Variants in CRYBG1 observed in about 807,000 individuals in gnomAD.
CRYBG1 encodes the protein beta/gamma crystallin domain-containing protein 1.
In CRYBG1, 139 loss-of-function variants were observed where a neutral mutation model predicts 189.2. The ratio of observed to expected loss-of-function variants is 0.73; its 90% CI spans 0.64 to 0.85. CRYBG1 has a LOEUF of 0.85. Among genes scored for constraint, CRYBG1 ranks in the 40% least tolerant of loss-of-function variants. The pLI is 0.00. For missense variants in CRYBG1, 2,611 were observed against 2,675.8 expected (o/e 0.98, Z 0.53); for synonymous variants, 1,023 against 1,017.1 (o/e 1.01, Z -0.11).
At chr6:106,515,345 T>C (rs908866891) in intron 3 of CRYBG1, among the ~76,000 whole-genome samples, 1 of 152,238 alleles carries the variant, frequency 6.6e-6, no homozygotes, top group African/African-American at 2.4e-5. Context: ...CACAACTTAA[T>C]AGCACAGAAA....
chr6:106,563,802 G>A lies in CRYBG1; in HGVS notation c.6177G>A (p.Leu2059=). ...GCTGCCTGACGATTGTGGGCAGCCT[G>A]GTAACATCTGGCTCCAAGCTAGGCC... ...EDCCLTIVGS[L]VTSGSKLGLA... The change falls in exon 21 of 22, where the codon CTG becomes CTA. Residue 2059 remains leucine, a synonymous_variant. Coordinates refer to ENST00000633556, the MANE Select transcript of CRYBG1 (RefSeq NM_001371242.2). The A allele has an allele frequency of 6.2e-7, 1 of 1,611,886 alleles. No homozygotes were observed. Among genetic ancestry groups the A allele is most frequent in the Non-Finnish European group, 8.5e-7 (1 of 1,178,062 alleles).
intron 2 of CRYBG1, among the ~76,000 whole-genome samples, chr6:106,505,646 A>AC (rs1456294554): frequency 2.0e-5 from 3 of 151,756 alleles, no homozygotes; most frequent in Non-Finnish European, 4.4e-5. Flanking sequence ...GAATTTTCTA[A>AC]CCCCTATTTT....
intron 2 of CRYBG1, among the ~76,000 whole-genome samples, chr6:106,458,334 A>AT: frequency 6.6e-6 from 1 of 152,146 alleles, no homozygotes; most frequent in East Asian, 1.9e-4. Flanking sequence ...AAGTTTTTCC[A>AT]TTTTTTATGC....
At chr6:106,559,967 C>T (rs1177630401) in intron 18 of CRYBG1, among the ~76,000 whole-genome samples, 2 of 151,616 alleles carry the variant, frequency 1.3e-5, no homozygotes, top group Admixed American at 6.6e-5. Flanking sequence ...TGGTGGTGCA[C>T]GCCTGTAGTC....
intron 1 of CRYBG1, among the ~76,000 whole-genome samples, chr6:106,394,637 TA>T (rs1303545460): frequency 6.6e-6 from 1 of 152,222 alleles, no homozygotes; most frequent in Non-Finnish European, 1.5e-5. Flanking sequence ...TTTTTGAAGG[TA>T]ACACAGTTTT....
At position 106,519,287 on chromosome 6, in the gene CRYBG1, A is replaced by C. The variant is rs1357114222; in HGVS notation, c.2079A>C (p.Pro693=). ...LFENKRTNSS[P]RHTDIRGQRN... ...AAAACAAACGGACAAACAGTAGCCC[A>C]AGACACACTGACATTCGAGGCCAAA... The change falls in exon 4 of 22, where the codon CCA becomes CCC. Residue 693 remains proline, a synonymous_variant. Coordinates refer to ENST00000633556, the MANE Select transcript of CRYBG1 (RefSeq NM_001371242.2). 6.2e-7 allele frequency: 1 copy of C among 1,614,028 alleles called. No individual in the cohort carries two copies. Among genetic ancestry groups the C allele is most frequent in the East Asian group, 2.2e-5 (1 of 44,904 alleles).
intron 2 of CRYBG1, among the ~76,000 whole-genome samples, chr6:106,464,364 G>A (rs1168671983): frequency 2.0e-5 from 3 of 151,910 alleles, no homozygotes; most frequent in Admixed American, 6.6e-5. Context: ...ATGTTGGTGC[G>A]CGCCTGTAAT....
Position 106,519,507 on chromosome 6 carries a change from A to C in CRYBG1, c.2299A>C (p.Met767Leu). 1.4e-5 allele frequency: 22 copies of C among 1,614,148 alleles called. No individual in the cohort carries two copies. Among genetic ancestry groups the C allele is most frequent in the Non-Finnish European group, 1.9e-5 (22 of 1,180,014 alleles). The stretch of plus-strand genomic sequence containing the variant: ...AGAGATTCTGCCAGCAACCAGAGGA[A>C]TGAATGGAGACTCTTCTGAGAATCA... ...EEEILPATRG[M>L]NGDSSENQAL... Residue 767 changes from methionine to leucine, a missense_variant, in exon 4 of 22, where the codon ATG (methionine) becomes CTG (leucine). Met to Leu is a conservative substitution (Grantham distance 15, BLOSUM62 2). Transcript: ENST00000633556.
chr6:106,514,551 G>C (rs1773375639), intron 3 of CRYBG1, among the ~76,000 whole-genome samples: 1 of 152,166 alleles, frequency 6.6e-6, no homozygotes, highest in South Asian at 2.1e-4. Context: ...TCAGAGAAAT[G>C]AGCTGGGTGA....
At chr6:106,422,340 A>ATTTTTTTTTTTTTTTTTT (rs747540246) in intron 1 of CRYBG1, among the ~76,000 whole-genome samples, 3 of 68,336 alleles carry the variant, frequency 4.4e-5, no homozygotes, top group African/African-American at 1.4e-4. Flanking sequence ...TTATTTATTT[A>ATTTTTTTTTTTTTTTTTT]TTTATTTTTG....
At chr6:106,486,476 CAT>C (rs1386528834) in intron 2 of CRYBG1, among the ~76,000 whole-genome samples, 1 of 151,996 alleles carries the variant, frequency 6.6e-6, no homozygotes, top group African/African-American at 2.4e-5. Context: ...TGGTCTATGA[CAT>C]AGTTTGTTGA....
intron 2 of CRYBG1, 132 bp downstream of exon 2, chr6:106,451,964 A>G: frequency 2.5e-6 from 1 of 402,390 alleles, no homozygotes; most frequent in Non-Finnish European, 3.8e-6. Flanking sequence ...AATTATATAT[A>G]TCATATGTAA....
intron 1 of CRYBG1, among the ~76,000 whole-genome samples, chr6:106,401,783 C>T (rs1461566543): frequency 2.3e-5 from 3 of 130,548 alleles, no homozygotes; most frequent in Non-Finnish European, 4.8e-5. Flanking sequence ...ATATGTGCCA[C>T]ATTTTCTTAA....
chr6:106,567,292 T>C (rs1774917312), intron 21 of CRYBG1, among the ~76,000 whole-genome samples: 1 of 152,192 alleles, frequency 6.6e-6, no homozygotes, highest in Admixed American at 6.5e-5. Flanking sequence ...TCCCTACTGC[T>C]ACAAACTTAC....
chr6:106,456,989 A>G (rs1771901196), intron 2 of CRYBG1, among the ~76,000 whole-genome samples: 1 of 152,216 alleles, frequency 6.6e-6, no homozygotes, highest in Admixed American at 6.5e-5. Flanking sequence ...CACCAAGCAC[A>G]GTTCTCAAAT....
rs1394339054 is a variant in CRYBG1, at chr6:106,512,828, C to T, written c.1711C>T (p.Leu571Phe). The T allele has an allele frequency of 3.2e-6, 5 of 1,577,440 alleles. No homozygotes were observed. The highest frequency in any genetic ancestry group is 1.8e-5 in the Admixed American group (1 of 54,890). The change falls in exon 3 of 22, where the codon CTC (leucine) becomes TTC (phenylalanine). Residue 571 changes from leucine to phenylalanine, a missense_variant. Around this residue, in one of 3 missense-constraint regions of CRYBG1, gnomAD observed 985 missense variants for 924.4 expected, o/e 1.07. Transcript: ENST00000633556. ...EEAARAIPRE[L>F]PVKSSSLLPE... ...GGCGGCGCGGGCCATCCCCCGCGAG[C>T]TCCCGGTCAAGAGCAGCTCGCTGCT...
chr6:106,456,392 C>G (rs1484013999), intron 2 of CRYBG1, among the ~76,000 whole-genome samples: 2 of 151,556 alleles, frequency 1.3e-5, no homozygotes, highest in Non-Finnish European at 2.9e-5. Context: ...GAACTCCTAA[C>G]CTCAAATAAT....
intron 1 of CRYBG1, among the ~76,000 whole-genome samples, chr6:106,401,811 G>A (rs1319410532): frequency 7.2e-6 from 1 of 138,262 alleles, no homozygotes; most frequent in Admixed American, 7.4e-5. Flanking sequence ...TATCATTGTT[G>A]GACATTTGGG....
At chr6:106,408,854 G>T (rs928741732) in intron 1 of CRYBG1, among the ~76,000 whole-genome samples, 7 of 152,038 alleles carry the variant, frequency 4.6e-5, no homozygotes, top group Non-Finnish European at 8.8e-5. Flanking sequence ...AATAAACTAG[G>T]TATTGATGGA....
Sources: allele counts gnomAD v4.1 joint callset (sites outside exome capture counted in the v4.1 genomes callset), GRCh38; gene constraint gnomAD v4.1.1; regional missense constraint gnomAD v4.1.1; transcripts MANE v1.5; gene names NCBI Gene and HGNC (gene_info 2026-07-23, HGNC 2026-07-21).